The following ARHGAP23 variants were observed in gnomAD, a reference collection of about 807,000 sequenced individuals.
ARHGAP23 encodes rho GTPase-activating protein 23.
A neutral mutation model predicts 136.3 loss-of-function variants in ARHGAP23; 34 were observed. The ratio of observed to expected loss-of-function variants is 0.25; its 90% confidence interval spans 0.19 to 0.33. ARHGAP23 has a LOEUF of 0.33. ARHGAP23 is among the 10% of genes least tolerant of loss of function. The pLI is 1.00. For synonymous variants in ARHGAP23, 832 were observed against 920.5 expected (o/e 0.90, Z 1.74); for missense variants, 1,808 against 2,139.0 (o/e 0.85, Z 3.05).
At chr17:38,453,431 GT>G in intron 1 of ARHGAP23, among the ~76,000 whole-genome samples, 1 of 105,480 alleles carries the variant, frequency 9.5e-6, no homozygotes, top group Admixed American at 9.3e-5. Context: ...GCGTGTGTGT[GT>G]GTGTGTGTGT....
In ARHGAP23 at chr17:38,510,745, C is replaced by T. The variant is rs1224772610; in HGVS notation, c.4249C>T (p.Leu1417Phe). Residue 1417 changes from leucine (L) to phenylalanine (F), a missense_variant, in exon 24 of 24, where the codon CTC (leucine) becomes TTC (phenylalanine). Coordinates refer to ENST00000622683, the MANE Select transcript of ARHGAP23 (RefSeq NM_001199417.2). This position sits in a 1 kb window ranked among gnomAD's most constrained non-coding sequence, Gnocchi z 4.6. Reference sequence around the variant, plus strand: ...GGTGGTGCAGAGCCCGCTGACTGACCTCAACTTCAACGAGTGGAAGGAGCT... The same window carrying T: ...GGTGGTGCAGAGCCCGCTGACTGACTTCAACTTCAACGAGTGGAAGGAGCT... Reference protein sequence around the residue: ...TVVVQSPLTDLNFNEWKELGG... With the variant: ...TVVVQSPLTDFNFNEWKELGG... The T allele has an allele frequency of 1.3e-5, 20 of 1,484,254 alleles. No individual in the cohort carries two copies. In the African/African-American group the frequency reaches 1.9e-4, roughly 14 times the overall value. The allele number at this position is 1,484,254 out of a possible 1,614,324, so 91.9% of individuals were successfully genotyped here. A position where few individuals can be genotyped will look rare whatever the true frequency, so the allele number is the denominator to read the frequency against.
chr17:38,420,088 ACT>A (rs2038504578), intron 1 of ARHGAP23, among the ~76,000 whole-genome samples: 1 of 152,044 alleles, frequency 6.6e-6, no homozygotes, highest in Non-Finnish European at 1.5e-5. Flanking sequence ...ATCAGAATAC[ACT>A]GAGTGTGGGC....
chr17:38,440,111 T>A (rs1394702296), intron 1 of ARHGAP23, among the ~76,000 whole-genome samples: 1 of 152,082 alleles, frequency 6.6e-6, no homozygotes, highest in Non-Finnish European at 1.5e-5. Context: ...AACCTCCTCC[T>A]GGGTTCAAGC....
intron 13 of ARHGAP23, 109 bp downstream of exon 13, chr17:38,479,606 G>A (rs1474753930): frequency 1.8e-5 from 25 of 1,421,118 alleles, no homozygotes; most frequent in East Asian, 2.5e-5. Flanking sequence ...CTGGGGGAAG[G>A]GGTATCCAGG....
chr17:38,445,302 T>G (rs1476089378), intron 1 of ARHGAP23, among the ~76,000 whole-genome samples: 1 of 78,658 alleles, frequency 1.3e-5, no homozygotes, highest in Non-Finnish European at 2.3e-5. Context: ...CTGTCTCTAC[T>G]TAAAAAAAAA....
intron 2 of ARHGAP23, among the ~76,000 whole-genome samples, chr17:38,459,339 G>A (rs576256317): frequency 1.2e-4 from 19 of 152,312 alleles, no homozygotes; most frequent in African/African-American, 3.9e-4. Context: ...TATAGTGTCT[G>A]CAAATACATG....
At chr17:38,468,313 G>A (rs949891876) in intron 7 of ARHGAP23, among the ~76,000 whole-genome samples, 3 of 152,198 alleles carry the variant, frequency 2.0e-5, no homozygotes, top group Admixed American at 6.5e-5. Context: ...AGGCAAGAGA[G>A]TAGAGTGGCT....
chr17:38,494,370 T>C (rs1350468447), intron 20 of ARHGAP23, among the ~76,000 whole-genome samples: 2 of 152,204 alleles, frequency 1.3e-5, no homozygotes, highest in African/African-American at 2.4e-5. Context: ...GTGGTCATTA[T>C]TCCACGCCAG....
chr17:38,493,341 C>T (rs550876094), intron 20 of ARHGAP23, among the ~76,000 whole-genome samples: 1 of 152,132 alleles, frequency 6.6e-6, no homozygotes, highest in African/African-American at 2.4e-5. Flanking sequence ...GATGCCACCA[C>T]CACACCACCT....
intron 1 of ARHGAP23, among the ~76,000 whole-genome samples, chr17:38,447,381 G>T (rs988499605): frequency 1.4e-5 from 2 of 137,988 alleles, no homozygotes; most frequent in Admixed American, 7.8e-5. Context: ...GGTGGAGGTT[G>T]CAGTGAGCCG....
chr17:38,477,766 A>G lies in ARHGAP23; in HGVS notation c.2306A>G (p.Glu769Gly). Residue 769 changes from glutamate (E) to glycine (G), a missense_variant, in exon 12 of 24, where the codon GAG becomes GGG. By Grantham distance (98) the Glu-to-Gly change is moderately conservative. Around this residue, in one of 7 missense-constraint regions of ARHGAP23, gnomAD observed 139 missense variants for 264.3 expected, o/e 0.53. Transcript: ENST00000622683. The surrounding 1 kb of genome is among the most constrained non-coding windows in gnomAD (Gnocchi z 6.6). ...GSCLVDISYS[E>G]TKRRHVFRLT... Reference sequence around the variant, plus strand: ...TGCCTCGTGGACATCTCCTACAGCGAGACCAAGAGGAGGCACGTGTTCCGG... The same window carrying G: ...TGCCTCGTGGACATCTCCTACAGCGGGACCAAGAGGAGGCACGTGTTCCGG... The G allele has an allele frequency of 6.5e-7, 1 of 1,549,690 alleles. No individual in the cohort carries two copies.
At chr17:38,488,098 G>A (rs1184692901) in intron 17 of ARHGAP23, among the ~76,000 whole-genome samples, 2 of 151,972 alleles carry the variant, frequency 1.3e-5, no homozygotes, top group African/African-American at 4.8e-5. Flanking sequence ...GGTAGAGGCA[G>A]GGTCTCACTA....
chr17:38,451,743 T>C (rs1439511817), intron 1 of ARHGAP23: 1 of 152,348 alleles, frequency 6.6e-6, no homozygotes, highest in East Asian at 1.9e-4. Flanking sequence ...CCAGCTGGTC[T>C]AGGAGGGTCT....
intron 12 of ARHGAP23, among the ~76,000 whole-genome samples, chr17:38,478,691 G>A (rs1235384631): frequency 6.6e-6 from 1 of 152,168 alleles, no homozygotes; most frequent in Non-Finnish European, 1.5e-5. Context: ...TTACAGGTGT[G>A]AGCTACTGTG....
intron 1 of ARHGAP23, among the ~76,000 whole-genome samples, chr17:38,422,562 C>T (rs1429880835): frequency 6.6e-6 from 1 of 152,180 alleles, no homozygotes; most frequent in Non-Finnish European, 1.5e-5. Context: ...TCGGCCACCT[C>T]CTGACCTGAC....
intron 1 of ARHGAP23, 121 bp downstream of exon 1, chr17:38,428,669 CA>C: frequency 8.8e-6 from 5 of 568,410 alleles, no homozygotes; most frequent in Non-Finnish European, 1.3e-5. Flanking sequence ...TGGGCGCGGG[CA>C]CCGCGGGCAC....
chr17:38,480,799 G>A (rs1313883332), intron 14 of ARHGAP23, among the ~76,000 whole-genome samples: 4 of 125,248 alleles, frequency 3.2e-5, no homozygotes, highest in African/African-American at 6.1e-5. Context: ...GTGAGACCCT[G>A]TCTCAAAAAA....
intron 1 of ARHGAP23, among the ~76,000 whole-genome samples, chr17:38,453,009 T>C (rs2039214765): frequency 6.6e-6 from 1 of 152,158 alleles, no homozygotes; most frequent in Admixed American, 6.5e-5. Flanking sequence ...TGCAGGGCAG[T>C]GTGTGTAGCA....
upstream of ARHGAP23, among the ~76,000 whole-genome samples, chr17:38,427,231 G>A (rs1208714621): frequency 2.6e-5 from 4 of 152,232 alleles, no homozygotes; most frequent in Admixed American, 6.5e-5. Context: ...GGGAGGCTGA[G>A]GCAGGCGAAT....
Sources: gnomAD v4.1 joint callset for allele counts (sites outside exome capture counted in the v4.1 genomes callset) on GRCh38, gnomAD v4.1.1 for gene constraint, gnomAD v4.1.1 regional missense constraint, Gnocchi (gnomAD v3.1) non-coding constraint, MANE v1.5 for transcripts, NCBI Gene and HGNC (gene_info 2026-07-23, HGNC 2026-07-21) for gene names.